The following BRPF1 variants were observed in gnomAD, a reference collection of about 807,000 sequenced individuals.
BRPF1 encodes the protein peregrin.
In BRPF1, 15 loss-of-function variants were observed where a neutral mutation model predicts 115.0. The ratio of observed to expected loss-of-function variants is 0.13; its 90% CI spans 0.09 to 0.20. The LOEUF (loss-of-function observed/expected upper bound fraction) is 0.20, where lower values mean the gene tolerates loss of function less well. Ranked by LOEUF, BRPF1 falls within the 10% of genes least tolerant of loss-of-function variation. BRPF1 has a pLI of 1.00. For missense variants in BRPF1, 1,118 were observed against 1,638.3 expected, an observed-to-expected ratio of 0.68 and a Z score of 5.48; for synonymous variants, 647 against 619.8, an observed-to-expected ratio of 1.04 and a Z score of -0.65.
chr3:9,734,562 C>T lies in BRPF1; in HGVS notation c.422C>T (p.Thr141Ile). 1 of 1,614,162 alleles carries T rather than the reference C, an allele frequency of 6.2e-7. No homozygotes were observed. Among genetic ancestry groups the T allele is most frequent in the Non-Finnish European group, 8.5e-7 (1 of 1,180,032 alleles). Residue 141 changes from threonine (T) to isoleucine (I), a missense_variant, in exon 2 of 14, where the codon ACA becomes ATA. Around this residue, in one of 10 missense-constraint regions of BRPF1, gnomAD observed 280 missense variants for 382.8 expected, o/e 0.73. Transcript: ENST00000383829. This position sits in a 1 kb window ranked among gnomAD's most constrained non-coding sequence, Gnocchi z 5.7. ...ENGSNKENTE[T>I]PAATPKSGKH... ...GGCAGCAACAAGGAGAACACTGAGA[C>T]ACCAGCTGCTACTCCCAAGTCAGGC...
chr3:9,743,811 G>T lies in BRPF1; in HGVS notation c.2545G>T (p.Gly849Cys). ...TGAGCGGCATGGCCCCTCGAGCCGG[G>T]GTAGTCTGACACCCCACCCGGCAGC... ...GPERHGPSSRGSLTPHPAACD... is the reference protein window; with the variant it reads ...GPERHGPSSRCSLTPHPAACD... Residue 849 changes from glycine (G) to cysteine (C), a missense_variant, in exon 8 of 14, where the codon GGT becomes TGT. By Grantham distance (159) the Gly-to-Cys change is radical. Around this residue, in one of 10 missense-constraint regions of BRPF1, gnomAD observed 223 missense variants for 240.7 expected, o/e 0.93. Coordinates refer to ENST00000383829, the MANE Select transcript of BRPF1 (RefSeq NM_001003694.2). This position sits in a 1 kb window ranked among gnomAD's most constrained non-coding sequence, Gnocchi z 6.1. The T allele has an allele frequency of 6.2e-7, 1 of 1,611,526 alleles. No homozygotes were observed. Among genetic ancestry groups the T allele is most frequent in the Non-Finnish European group, 8.5e-7 (1 of 1,177,872 alleles).
At chr3:9,733,821 G>A (rs907134762) in intron 1 of BRPF1, among the ~76,000 whole-genome samples, 13 of 152,200 alleles carry the variant, frequency 8.5e-5, no homozygotes, top group African/African-American at 2.9e-4. Context: ...TGAAGGAACT[G>A]GGAGCATCAG....
intron 2 of BRPF1, among the ~76,000 whole-genome samples, chr3:9,738,580 TCCTTCTTCCCC>T (rs1003677977): frequency 3.1e-4 from 47 of 152,318 alleles, no homozygotes; most frequent in Middle Eastern, 6.8e-3. Context: ...CCAATGACCT[TCCTTCTTCCCC>T]GATTCTTCGT....
At chr3:9,742,192 C>G in intron 6 of BRPF1, 21 bp downstream of exon 6, 2 of 1,612,498 alleles carry the variant, frequency 1.2e-6, no homozygotes, top group Middle Eastern at 1.7e-4. Context: ...CTTCCCCTCA[C>G]TCCACCTTCT....
At chr3:9,742,289 G>A in intron 6 of BRPF1, 118 bp downstream of exon 6, 1 of 1,522,164 alleles carries the variant, frequency 6.6e-7, no homozygotes, top group Non-Finnish European at 8.8e-7. Context: ...GTGGCTCTGG[G>A]GCAGGATGAA....
rs970836602 is a variant in BRPF1 at position 9,747,029 on chromosome 3, C to T, written c.3480-137C>T. On this transcript the variant is annotated intron_variant, in intron 13 of 13. Transcript: ENST00000383829. The surrounding 1 kb of genome is among the most constrained non-coding windows in gnomAD (Gnocchi z 5.6). Reference sequence around the variant, plus strand: ...GGCTCTTTCATCTCTAGACCATGAACAGTCCTTTGAGGGCAGGGACCATCA... The same window carrying T: ...GGCTCTTTCATCTCTAGACCATGAATAGTCCTTTGAGGGCAGGGACCATCA... 25 of 938,516 alleles carry T rather than the reference C, an allele frequency of 2.7e-5. No homozygotes were observed. Among genetic ancestry groups the T allele is most frequent in the Admixed American group, 4.0e-5 (2 of 49,692 alleles). 58.1% of individuals were successfully genotyped at this position (938,516 alleles called of 1,614,324 possible).
At position 9,739,965 on chromosome 3, in the gene BRPF1, G is replaced by A; in HGVS notation, c.1559+7G>A. On this transcript the variant is annotated splice_region_variant and intron_variant, in intron 3 of 13. Coordinates refer to ENST00000383829, the MANE Select transcript of BRPF1 (RefSeq NM_001003694.2). ...CCTGCATCCCACCACACAGGTATGT[G>A]GGGAGCCGGTGGACAGGCAGATGAG... The A allele has an allele frequency of 6.4e-7, 1 of 1,559,392 alleles. No individual in the cohort carries two copies. Among genetic ancestry groups the A allele is most frequent in the Non-Finnish European group, 8.7e-7 (1 of 1,150,030 alleles).
chr3:9,740,985 G>C, intron 4 of BRPF1, 44 bp downstream of exon 4: 7 of 1,574,228 alleles, frequency 4.4e-6, no homozygotes, highest in Non-Finnish European at 5.2e-6. Flanking sequence ...CTAGCGCCAG[G>C]GGGACGAAAA....
rs745999732 is a variant in BRPF1, at chr3:9,745,682, G to A, written c.3178G>A (p.Gly1060Ser). ...SGTENEAYSV[G>S]TGRGVGHSMV... ...CACTGAGAATGAGGCCTACTCCGTG[G>A]GCACTGGCCGCGGCGTGGGCCACAG... Residue 1060 changes from glycine (G) to serine (S), a missense_variant, in exon 11 of 14, where the codon GGC becomes AGC. Transcript: ENST00000383829. The surrounding 1 kb of genome is among the most constrained non-coding windows in gnomAD (Gnocchi z 5.1). The A allele has an allele frequency of 6.2e-7, 1 of 1,614,242 alleles. No homozygotes were observed. The highest frequency in any genetic ancestry group is 1.1e-5 in the South Asian group (1 of 91,086).
Position 9,739,888 on chromosome 3 carries a change from G to T in BRPF1, c.1489G>T (p.Ala497Ser), listed in dbSNP as rs1156924930. ...CAAGTCCCGGATCAAAATGAAGAAGGCACGGAAGATCCTGGCAGAGAAGCG... is the reference window on the plus strand; with the variant it reads ...CAAGTCCCGGATCAAAATGAAGAAGTCACGGAAGATCCTGGCAGAGAAGCG... The part of the protein sequence containing the change: ...KAKSRIKMKK[A>S]RKILAEKRAA... The change falls in exon 3 of 14, where the codon GCA becomes TCA. Residue 497 changes from alanine (A) to serine (S), a missense_variant. By Grantham distance (99) the Ala-to-Ser change is moderately conservative. This residue lies in a region of BRPF1 where 178 missense variants were observed against 303.7 expected (regional missense o/e 0.59). Transcript: ENST00000383829. 1 of 1,582,114 alleles carries T rather than the reference G, an allele frequency of 6.3e-7. No homozygotes were observed. The highest frequency in any genetic ancestry group is 2.3e-5 in the East Asian group (1 of 43,758).
intron 8 of BRPF1, 137 bp downstream of exon 8, chr3:9,744,038 G>A (rs2077079239): frequency 7.6e-7 from 1 of 1,316,116 alleles, no homozygotes; most frequent in Non-Finnish European, 1.0e-6. Context: ...TCCCCAATCA[G>A]GGGCCTCTTA....
chr3:9,743,547 T>A lies in BRPF1; in HGVS notation c.2312-31T>A. ...AAGGGGCCCTGAGGGCTGCCCTGAG[T>A]CTGACCTTTCCCCTCCAACCCTACC... On this transcript the variant is annotated intron_variant, in intron 7 of 13. Transcript: ENST00000383829. The surrounding 1 kb of genome is among the most constrained non-coding windows in gnomAD (Gnocchi z 6.1). 1 of 1,593,794 alleles carries A rather than the reference T, an allele frequency of 6.3e-7. No individual in the cohort carries two copies. Among genetic ancestry groups the A allele is most frequent in the Non-Finnish European group, 8.6e-7 (1 of 1,168,688 alleles).
At chr3:9,738,440 A>T (rs905484985) in intron 2 of BRPF1, among the ~76,000 whole-genome samples, 12 of 152,226 alleles carry the variant, frequency 7.9e-5, no homozygotes, top group Admixed American at 5.2e-4. Flanking sequence ...CAGTGAACAA[A>T]CATAGCACCT....
At position 9,743,446 on chromosome 3, in the gene BRPF1, GTGC is replaced by G. The variant is rs1165849364; in HGVS notation, c.2312-127_2312-125del. 5.7e-6 allele frequency: 7 copies of G among 1,235,616 alleles called. No homozygotes were observed. The highest frequency in any genetic ancestry group is 4.6e-5 in the African/African-American group (3 of 65,816). The allele number at this position is 1,235,616 out of a possible 1,614,324, so 76.5% of individuals were successfully genotyped here. On this transcript the variant is annotated intron_variant, in intron 7 of 13. Transcript: ENST00000383829. This position sits in a 1 kb window ranked among gnomAD's most constrained non-coding sequence, Gnocchi z 6.1. ...GCAGTGCCCGCCATTCCACATCTTG[GTGC>G]TGCTATTTTACAGCTGTTCCTGGTG...
chr3:9,732,543 C>T (rs1428137327), intron 1 of BRPF1: 1 of 152,298 alleles, frequency 6.6e-6, no homozygotes, highest in Non-Finnish European at 1.5e-5. Flanking sequence ...TCTCGTCTCC[C>T]TCGCCTGTGC....
At chr3:9,742,637 A>C (rs2077050562) in intron 6 of BRPF1, 2 of 802,278 alleles carry the variant, frequency 2.5e-6, no homozygotes, top group African/African-American at 3.7e-5. Context: ...TTTTCAGAGG[A>C]GTCCCCAAGC....
intron 6 of BRPF1, chr3:9,742,436 AC>A (rs2077047017): frequency 1.0e-6 from 1 of 985,344 alleles, no homozygotes; most frequent in African/African-American, 1.7e-5. Flanking sequence ...GCAGGAAGAC[AC>A]TTTCGGGGTG....
At chr3:9,742,919 A>T in intron 6 of BRPF1, 25 bp from the exon 7 acceptor site, 1 of 1,603,384 alleles carries the variant, frequency 6.2e-7, no homozygotes, top group Non-Finnish European at 8.5e-7. Flanking sequence ...TCTCCACTTA[A>T]AACAAACCTG....
rs112873311 is a variant in BRPF1 at position 9,734,335 on chromosome 3, G to A, written c.195G>A (p.Gly65=). The A allele has an allele frequency of 3.4e-4, 551 of 1,613,964 alleles. 5 individuals are homozygous for A. In the African/African-American group the frequency reaches 6.4e-3, roughly 19 times the overall value. ...CACTCCGCAAGCACAAGAAAAAGGG[G>A]CGCCAGTCACGCCCAGCCAACAAGC... The part of the protein sequence containing the change: ...QTPLRKHKKK[G]RQSRPANKQS... The change falls in exon 2 of 14, where the codon GGG becomes GGA. Residue 65 remains glycine (G), a synonymous_variant. Transcript: ENST00000383829. The surrounding 1 kb of genome is among the most constrained non-coding windows in gnomAD (Gnocchi z 5.7).
Sources: gnomAD v4.1 joint callset for allele counts (sites outside exome capture counted in the v4.1 genomes callset) on GRCh38, gnomAD v4.1.1 for gene constraint, gnomAD v4.1.1 regional missense constraint, Gnocchi (gnomAD v3.1) non-coding constraint, MANE v1.5 for transcripts, NCBI Gene and HGNC (gene_info 2026-07-23, HGNC 2026-07-21) for gene names.